The following GULP1 variants were observed in gnomAD, a reference collection of about 807,000 sequenced individuals.
The protein encoded by GULP1 is GULP PTB domain containing engulfment adaptor 1, also known as PTB domain-containing engulfment adapter protein 1.
Under a neutral mutation model 40.9 loss-of-function variants are expected in GULP1, and 19 were observed. That is an observed-to-expected ratio of 0.46 (90% CI 0.32 to 0.68). The LOEUF is 0.68. Ranked by LOEUF, GULP1 falls within the 30% of genes least tolerant of loss-of-function variation. The pLI is 0.03. For missense variants in GULP1, 312 were observed against 362.2 expected (o/e 0.86, Z 1.12); for synonymous variants, 119 against 117.6 (o/e 1.01, Z -0.08).
chr2:188,520,449 G>A (rs1034003878), intron 4 of GULP1, among the ~76,000 whole-genome samples: 1 of 149,840 alleles, frequency 6.7e-6, no homozygotes, highest in South Asian at 2.1e-4. Context: ...AGAATCGCTT[G>A]AACCAAGGGG....
rs769411572 is a variant in GULP1, at chr2:188,522,784, C to G, written c.119C>G (p.Pro40Arg). Residue 40 changes from proline (P) to arginine (R), a missense_variant, in exon 5 of 12, where the codon CCA becomes CGA. Coordinates refer to ENST00000409830, the MANE Select transcript of GULP1 (RefSeq NM_016315.4). ...KFLGSTEVEQ[P>R]KGTEVVRDAV... ...CTTGGCAGTACAGAAGTGGAACAGC[C>G]AAAAGGAACAGAAGTTGTGAGAGAT... 1 of 1,611,784 alleles carries G rather than the reference C, an allele frequency of 6.2e-7. No individual in the cohort carries two copies. Among genetic ancestry groups the G allele is most frequent in the Admixed American group, 1.7e-5 (1 of 59,998 alleles).
rs556875896 is a variant in GULP1 at position 188,314,563 on chromosome 2, C to T, written c.-172+22397C>T. Among the ~76,000 whole-genome samples the T allele has an allele frequency of 3.9e-5, 6 of 152,096 alleles. No individual in the cohort carries two copies. The South Asian group carries it at 6.2e-4, about 16-fold the overall frequency. Reference sequence around the variant, plus strand: ...ATGTCTCCATAACTTGTGCTTTTACCGACTACAATTTTTTAATAAAACTAA... The same window carrying T: ...ATGTCTCCATAACTTGTGCTTTTACTGACTACAATTTTTTAATAAAACTAA... On this transcript the variant is annotated intron_variant, in intron 1 of 11. Coordinates refer to ENST00000409830, the MANE Select transcript of GULP1 (RefSeq NM_016315.4).
chr2:188,354,503 C>G (rs1246782447), intron 1 of GULP1, among the ~76,000 whole-genome samples: 2 of 152,164 alleles, frequency 1.3e-5, no homozygotes, highest in Admixed American at 6.5e-5. Flanking sequence ...GAGAGTGGAT[C>G]TGCACCTCAG....
intron 1 of GULP1, among the ~76,000 whole-genome samples, chr2:188,334,618 C>T (rs1218010712): frequency 1.3e-5 from 2 of 152,190 alleles, no homozygotes; most frequent in African/African-American, 2.4e-5. Context: ...ATCATGGTCC[C>T]TCGCTCAGCA....
At chr2:188,576,962 C>G (rs761882000) in intron 9 of GULP1, among the ~76,000 whole-genome samples, 2 of 152,092 alleles carry the variant, frequency 1.3e-5, no homozygotes, top group Admixed American at 6.6e-5. Context: ...CCCTCATAGC[C>G]TCATAGCCTC....
At chr2:188,335,304 G>T (rs893062119) in intron 1 of GULP1, among the ~76,000 whole-genome samples, 1 of 152,092 alleles carries the variant, frequency 6.6e-6, no homozygotes, top group Non-Finnish European at 1.5e-5. Context: ...TCTTGTGGCT[G>T]TTGTGACCCT....
chr2:188,390,913 G>T (rs944293845), intron 2 of GULP1, among the ~76,000 whole-genome samples: 1 of 152,036 alleles, frequency 6.6e-6, no homozygotes, highest in South Asian at 2.1e-4. Flanking sequence ...CTTTGTCAAA[G>T]ATCAGTTGGT....
At chr2:188,587,268 T>G (rs1702583115) in intron 10 of GULP1, among the ~76,000 whole-genome samples, 1 of 152,084 alleles carries the variant, frequency 6.6e-6, no homozygotes, top group Non-Finnish European at 1.5e-5. Context: ...AAAAAAGAAA[T>G]GTATTTCTGG....
chr2:188,592,346 T>C (rs1419773317), intron 11 of GULP1: 3 of 152,022 alleles, frequency 2.0e-5, no homozygotes, highest in Non-Finnish European at 2.9e-5. Context: ...TGACATAATA[T>C]ACAGATCTTC....
At chr2:188,436,680 A>G (rs1285014601) in intron 2 of GULP1, among the ~76,000 whole-genome samples, 1 of 152,088 alleles carries the variant, frequency 6.6e-6, no homozygotes, top group African/African-American at 2.4e-5. Context: ...ATTTTCAGCT[A>G]TATTTCATAA....
intron 2 of GULP1, among the ~76,000 whole-genome samples, chr2:188,467,774 A>T (rs1445191930): frequency 6.6e-6 from 1 of 152,194 alleles, no homozygotes; most frequent in Non-Finnish European, 1.5e-5. Flanking sequence ...ATTTTAAAAG[A>T]TATGAAAAAA....
At chr2:188,498,459 TA>T (rs1249796688) in intron 4 of GULP1, among the ~76,000 whole-genome samples, 1 of 151,934 alleles carries the variant, frequency 6.6e-6, no homozygotes, top group East Asian at 1.9e-4. Context: ...GATCATTCAA[TA>T]AACACTAAAC....
At chr2:188,434,873 G>A (rs1300284521) in intron 2 of GULP1, among the ~76,000 whole-genome samples, 1 of 151,820 alleles carries the variant, frequency 6.6e-6, no homozygotes, top group Non-Finnish European at 1.5e-5. Flanking sequence ...TTGTAGGGAT[G>A]TTATTTTCTC....
At chr2:188,409,681 C>T (rs1319170982) in intron 2 of GULP1, among the ~76,000 whole-genome samples, 3 of 152,096 alleles carry the variant, frequency 2.0e-5, no homozygotes, top group Admixed American at 6.6e-5. Context: ...GCCAATATCC[C>T]TGATGTACAT....
At chr2:188,419,876 G>T (rs1408840058) in intron 2 of GULP1, among the ~76,000 whole-genome samples, 1 of 152,100 alleles carries the variant, frequency 6.6e-6, no homozygotes, top group African/African-American at 2.4e-5. Flanking sequence ...TGAGTTTAGT[G>T]TACGTTGTAA....
intron 1 of GULP1, among the ~76,000 whole-genome samples, chr2:188,339,647 C>T (rs908753119): frequency 2.6e-5 from 4 of 152,084 alleles, no homozygotes; most frequent in Non-Finnish European, 5.9e-5. Flanking sequence ...GAACCATTAG[C>T]CAATTAAACC....
intron 2 of GULP1, among the ~76,000 whole-genome samples, chr2:188,402,928 T>C (rs2052517456): frequency 6.6e-6 from 1 of 152,192 alleles, no homozygotes. Flanking sequence ...AGAAAGCTTA[T>C]GTACAAAAAG....
At chr2:188,549,945 G>T (rs1693011382) in intron 7 of GULP1, among the ~76,000 whole-genome samples, 1 of 151,728 alleles carries the variant, frequency 6.6e-6, no homozygotes, top group Admixed American at 6.6e-5. Context: ...GAGATGGTGA[G>T]GGCAGGCTAG....
intron 9 of GULP1, among the ~76,000 whole-genome samples, chr2:188,579,813 A>G (rs1367285580): frequency 6.6e-6 from 1 of 152,044 alleles, no homozygotes; most frequent in East Asian, 1.9e-4. Context: ...AATACTGCAG[A>G]CACCATGATA....
Sources: gnomAD v4.1 joint callset for allele counts (sites outside exome capture counted in the v4.1 genomes callset) on GRCh38, gnomAD v4.1.1 for gene constraint, MANE v1.5 for transcripts, NCBI Gene and HGNC (gene_info 2026-07-23, HGNC 2026-07-21) for gene names.